Variants in CCSER2 observed in about 807,000 individuals in gnomAD.
CCSER2 encodes coiled-coil serine rich protein 2.
A neutral mutation model predicts 92.3 loss-of-function variants in CCSER2; 46 were observed. The observed-to-expected ratio is 0.50, with a 90% CI of 0.39 to 0.64. The LOEUF (loss-of-function observed/expected upper bound fraction) is 0.64. CCSER2 is among the 30% of genes least tolerant of loss of function. The probability of loss-of-function intolerance (pLI) is 0.00; values close to 1 mark genes in which losing one functional copy is unlikely to be tolerated. For missense variants in CCSER2, 1,244 were observed against 1,238.9 expected, an observed-to-expected ratio of 1.00 and a Z score of -0.06; for synonymous variants, 433 against 431.4, an observed-to-expected ratio of 1.00 and a Z score of -0.04.
chr10:84,474,498 T>TAA, intron 8 of CCSER2, among the ~76,000 whole-genome samples: 1 of 151,698 alleles, frequency 6.6e-6, no homozygotes, highest in South Asian at 2.1e-4. Context: ...CTGTCTCTAC[T>TAA]AAAAATACAA....
At chr10:84,352,548 A>G (rs1018834738) in intron 1 of CCSER2, among the ~76,000 whole-genome samples, 2 of 151,704 alleles carry the variant, frequency 1.3e-5, no homozygotes, top group African/African-American at 2.4e-5. Context: ...TGTATATATA[A>G]AAGTTTGTTG....
chr10:84,419,474 A>G (rs1041754113), intron 4 of CCSER2, among the ~76,000 whole-genome samples: 2 of 152,214 alleles, frequency 1.3e-5, no homozygotes, highest in African/African-American at 4.8e-5. Context: ...AGCAGGTAAC[A>G]TGGCCAAACC....
At chr10:84,508,944 A>G (rs1371444987) in intron 9 of CCSER2, among the ~76,000 whole-genome samples, 1 of 152,182 alleles carries the variant, frequency 6.6e-6, no homozygotes, top group African/African-American at 2.4e-5. Context: ...TAATTATTAG[A>G]ATTTTCTAGT....
chr10:84,483,979 A>G (rs1187454041), intron 9 of CCSER2, among the ~76,000 whole-genome samples: 4 of 55,790 alleles, frequency 7.2e-5, no homozygotes, highest in Non-Finnish European at 1.1e-4. Flanking sequence ...ATATATATAT[A>G]TATATATATA....
intron 1 of CCSER2, among the ~76,000 whole-genome samples, chr10:84,358,348 T>C (rs950159030): frequency 6.6e-6 from 1 of 152,176 alleles, no homozygotes; most frequent in Non-Finnish European, 1.5e-5. Flanking sequence ...GTGCCAAGCA[T>C]GTATAAACTG....
intron 1 of CCSER2, among the ~76,000 whole-genome samples, chr10:84,365,035 C>T (rs1156933200): frequency 2.0e-5 from 3 of 151,674 alleles, no homozygotes; most frequent in South Asian, 2.1e-4. Flanking sequence ...AGTCACCACG[C>T]CCGGCCTGAA....
At chr10:84,441,462 CT>C (rs1844530154) in intron 6 of CCSER2, among the ~76,000 whole-genome samples, 1 of 151,992 alleles carries the variant, frequency 6.6e-6, no homozygotes, top group African/African-American at 2.4e-5. Context: ...TATTCTTTCT[CT>C]TTTTAAATGG....
intron 3 of CCSER2, among the ~76,000 whole-genome samples, chr10:84,395,010 GC>G (rs774634936): frequency 3.1e-4 from 47 of 152,108 alleles, no homozygotes; most frequent in Admixed American, 5.9e-4. Context: ...GATTGCTTGA[GC>G]CCAGGAATTT....
At chr10:84,490,614 C>T (rs1043361941) in intron 9 of CCSER2, among the ~76,000 whole-genome samples, 12 of 152,176 alleles carry the variant, frequency 7.9e-5, no homozygotes, top group Admixed American at 2.0e-4. Flanking sequence ...GACTTCTCTA[C>T]ACTGGTTCTT....
At chr10:84,422,163 C>T (rs1843183802) in intron 4 of CCSER2, among the ~76,000 whole-genome samples, 1 of 152,196 alleles carries the variant, frequency 6.6e-6, no homozygotes, top group Non-Finnish European at 1.5e-5. Flanking sequence ...GGGCAGGAAA[C>T]AGGAGGATAG....
At chr10:84,434,880 C>T (rs1844011474) in intron 5 of CCSER2, among the ~76,000 whole-genome samples, 1 of 152,100 alleles carries the variant, frequency 6.6e-6, no homozygotes, top group African/African-American at 2.4e-5. Context: ...AATTTGGACT[C>T]AGATCATCTA....
intron 9 of CCSER2, among the ~76,000 whole-genome samples, chr10:84,497,401 G>A (rs985274072): frequency 6.6e-6 from 1 of 152,196 alleles, no homozygotes; most frequent in East Asian, 1.9e-4. Flanking sequence ...GCCCCTTGGC[G>A]GTGGCAGGCA....
chr10:84,371,341 A>G lies in CCSER2; in HGVS notation c.289A>G (p.Lys97Glu), dbSNP rs1403817398. 2 of 1,613,788 alleles carry G rather than the reference A, an allele frequency of 1.2e-6. No individual in the cohort carries two copies. The highest frequency in any genetic ancestry group is 1.7e-6 in the Non-Finnish European group (2 of 1,179,878). ...ACATGATAAAATAATTGATCCTGAA[A>G]AACGTGTTCCTACTCAAGGAATGTT... ...NSHDKIIDPE[K>E]RVPTQGMFDK... Residue 97 changes from lysine (K) to glutamate (E), a missense_variant, in exon 2 of 10, where the codon AAA becomes GAA. By Grantham distance (56) the Lys-to-Glu change is moderately conservative (BLOSUM62 1). Coordinates refer to ENST00000372088, the MANE Select transcript of CCSER2 (RefSeq NM_001284240.2).
At chr10:84,435,133 G>C (rs1424327216) in intron 5 of CCSER2, among the ~76,000 whole-genome samples, 2 of 152,050 alleles carry the variant, frequency 1.3e-5, no homozygotes, top group Admixed American at 6.6e-5. Context: ...GCAACCTAAG[G>C]CATATAAACT....
chr10:84,504,031 C>T (rs1254900321), intron 9 of CCSER2, among the ~76,000 whole-genome samples: 2 of 152,090 alleles, frequency 1.3e-5, no homozygotes, highest in African/African-American at 2.4e-5. Flanking sequence ...TTTACAACAA[C>T]CTGATTCACT....
intron 3 of CCSER2, among the ~76,000 whole-genome samples, chr10:84,377,594 A>G (rs1473024174): frequency 6.6e-6 from 1 of 152,096 alleles, no homozygotes; most frequent in Non-Finnish European, 1.5e-5. Flanking sequence ...GTTCTTTTCC[A>G]AGATTTCTGT....
chr10:84,450,852 A>G (rs895900448), intron 6 of CCSER2, among the ~76,000 whole-genome samples: 3 of 152,220 alleles, frequency 2.0e-5, no homozygotes, highest in South Asian at 2.1e-4. Context: ...TGCAAAGGGT[A>G]ACAAATTAGG....
chr10:84,504,859 A>G (rs544310341), intron 9 of CCSER2, among the ~76,000 whole-genome samples: 3 of 152,258 alleles, frequency 2.0e-5, no homozygotes, highest in Admixed American at 6.5e-5. Flanking sequence ...AAATCAATAA[A>G]TGATGTAGTA....
intron 5 of CCSER2, 57 bp downstream of exon 5, chr10:84,425,950 T>C: frequency 7.8e-7 from 1 of 1,281,940 alleles, no homozygotes; most frequent in Non-Finnish European, 1.0e-6. Flanking sequence ...GAATTATAAT[T>C]CTCCCTTTCC....
Sources: allele counts gnomAD v4.1 joint callset (sites outside exome capture counted in the v4.1 genomes callset), GRCh38; gene constraint gnomAD v4.1.1; transcripts MANE v1.5; gene names NCBI Gene and HGNC (gene_info 2026-07-23, HGNC 2026-07-21).